The following OR3A2 variants were observed in gnomAD, a reference collection of about 807,000 sequenced individuals.
OR3A2 encodes olfactory receptor family 3 subfamily A member 2.
For synonymous variants in OR3A2, 126 were observed against 159.3 expected (o/e 0.79, Z 1.57); for missense variants, 318 against 392.8 (o/e 0.81, Z 1.61).
chr17:3,314,440 G>A (rs2049065488), intron 3 of OR3A2, among the ~76,000 whole-genome samples: 2 of 152,132 alleles, frequency 1.3e-5, no homozygotes, highest in African/African-American at 2.4e-5. Context: ...AAGAGTGAAC[G>A]TATTGACATG....
chr17:3,280,180 C>A (rs1434095372), intron 1 of OR3A2, among the ~76,000 whole-genome samples: 1 of 152,102 alleles, frequency 6.6e-6, no homozygotes, highest in African/African-American at 2.4e-5. Context: ...TTGTCCTTGA[C>A]TTAGGCACGG....
At position 3,313,158 on chromosome 17, in the gene OR3A2, G is replaced by A. The variant is rs1343540940; in HGVS notation, c.-85+22875C>T. On this transcript the variant is annotated intron_variant, in intron 3 of 4. Transcript: ENST00000573491. The stretch of plus-strand genomic sequence containing the variant: ...ATCATAGTCAATTTCGTGCACTATC[G>A]TGGCCATTTCTAGAACTTATTCTGT... 5.3e-5 allele frequency among the ~76,000 whole-genome samples: 8 copies of A among 152,078 alleles called. No homozygotes were observed. In the East Asian group the frequency reaches 5.8e-4, roughly 11 times the overall value.
At chr17:3,348,685 C>T (rs1440458692) in intron 2 of OR3A2, among the ~76,000 whole-genome samples, 3 of 151,974 alleles carry the variant, frequency 2.0e-5, no homozygotes, top group Non-Finnish European at 4.4e-5. Context: ...GACAACACCA[C>T]AAAGATACTC....
At chr17:3,356,098 A>G (rs1175613281) in intron 2 of OR3A2, among the ~76,000 whole-genome samples, 1 of 151,518 alleles carries the variant, frequency 6.6e-6, no homozygotes, top group East Asian at 1.9e-4. Flanking sequence ...CAATCAAACA[A>G]ACACACAAAA....
chr17:3,343,381 C>A (rs541008372), intron 2 of OR3A2, among the ~76,000 whole-genome samples: 2 of 152,180 alleles, frequency 1.3e-5, no homozygotes, highest in African/African-American at 2.4e-5. Flanking sequence ...TCCTATTCAG[C>A]CATCTTGAAA....
At chr17:3,322,764 C>T (rs1446815052) in intron 3 of OR3A2, among the ~76,000 whole-genome samples, 3 of 152,122 alleles carry the variant, frequency 2.0e-5, no homozygotes, top group Admixed American at 6.6e-5. Context: ...TGTTCTTTTA[C>T]ATTTGCTGAG....
chr17:3,326,554 CTTCT>C (rs1210768023), intron 3 of OR3A2, among the ~76,000 whole-genome samples: 3 of 143,228 alleles, frequency 2.1e-5, no homozygotes, highest in South Asian at 2.2e-4. Flanking sequence ...TTTTTTTTTT[CTTCT>C]TTTTTTTATT....
intron 2 of OR3A2, among the ~76,000 whole-genome samples, chr17:3,381,668 C>T (rs1432306664): frequency 6.6e-6 from 1 of 152,134 alleles, no homozygotes. Context: ...AAAAATGAAG[C>T]TCAAAGAGGT....
chr17:3,370,812 G>C (rs1366470587), intron 2 of OR3A2, among the ~76,000 whole-genome samples: 2 of 151,394 alleles, frequency 1.3e-5, no homozygotes, highest in Non-Finnish European at 2.9e-5. Flanking sequence ...CTTGAGATTA[G>C]GGAGTGGTGA....
chr17:3,331,352 C>T (rs1324183745), intron 3 of OR3A2, among the ~76,000 whole-genome samples: 1 of 152,124 alleles, frequency 6.6e-6, no homozygotes, highest in East Asian at 1.9e-4. Flanking sequence ...TCAGGTACAC[C>T]AATCCGACGT....
intron 3 of OR3A2, among the ~76,000 whole-genome samples, chr17:3,326,436 G>A (rs563594431): frequency 2.6e-5 from 4 of 152,094 alleles, no homozygotes; most frequent in Admixed American, 2.6e-4. Context: ...CCAAATGGAG[G>A]GACCGGCTGG....
intron 2 of OR3A2, among the ~76,000 whole-genome samples, chr17:3,341,096 G>GT (rs1202064064): frequency 1.3e-5 from 2 of 152,032 alleles, no homozygotes; most frequent in Admixed American, 1.3e-4. Context: ...ACCCCTGCTT[G>GT]TTTTTTGCTT....
At chr17:3,331,107 TG>T (rs949574178) in intron 3 of OR3A2, among the ~76,000 whole-genome samples, 12 of 152,230 alleles carry the variant, frequency 7.9e-5, no homozygotes, top group Non-Finnish European at 1.6e-4. Flanking sequence ...GGCTTCCCTT[TG>T]AGGGTAACCC....
At chr17:3,310,751 G>A in intron 3 of OR3A2, 1 of 556,692 alleles carries the variant, frequency 1.8e-6, no homozygotes, top group South Asian at 1.4e-5. Context: ...AGCAAGCCCT[G>A]GTGGGCATGT....
chr17:3,317,798 A>G (rs190573711), intron 3 of OR3A2, among the ~76,000 whole-genome samples: 2 of 152,168 alleles, frequency 1.3e-5, no homozygotes, highest in African/African-American at 4.8e-5. Context: ...AACAAAAGCC[A>G]GAGTAGGAAT....
chr17:3,346,246 C>A (rs2049362963), intron 2 of OR3A2, among the ~76,000 whole-genome samples: 1 of 152,010 alleles, frequency 6.6e-6, no homozygotes, highest in Admixed American at 6.6e-5. Flanking sequence ...ACTATATTTT[C>A]TTTTTAATTT....
At chr17:3,281,853 G>T (rs919914213) in intron 1 of OR3A2, among the ~76,000 whole-genome samples, 4 of 152,148 alleles carry the variant, frequency 2.6e-5, no homozygotes, top group African/African-American at 9.7e-5. Flanking sequence ...GCTTTAAGAA[G>T]AAAATACTGA....
intron 3 of OR3A2, among the ~76,000 whole-genome samples, chr17:3,322,124 T>A (rs2049128886): frequency 6.6e-6 from 1 of 152,202 alleles, no homozygotes; most frequent in Admixed American, 6.5e-5. Context: ...TCGAGAAATT[T>A]ATCCATTTCT....
intron 3 of OR3A2, among the ~76,000 whole-genome samples, chr17:3,333,125 G>A (rs947105367): frequency 6.6e-5 from 10 of 152,162 alleles, no homozygotes; most frequent in Non-Finnish European, 1.0e-4. Context: ...TAAATATTAA[G>A]ACCCTAGCAA....
Sources: allele counts gnomAD v4.1 joint callset (sites outside exome capture counted in the v4.1 genomes callset), GRCh38; gene constraint gnomAD v4.1.1; transcripts MANE v1.5; gene names NCBI Gene and HGNC (gene_info 2026-07-23, HGNC 2026-07-21).